The following ATP10B variants were observed in gnomAD, a reference collection of about 807,000 sequenced individuals.
ATP10B encodes ATPase phospholipid transporting 10B (putative), also known as phospholipid-transporting ATPase VB.
Under a neutral mutation model 141.2 loss-of-function variants are expected in ATP10B, and 122 were observed. The ratio of observed to expected loss-of-function variants is 0.86; its 90% CI spans 0.75 to 1.00. ATP10B has a LOEUF of 1.00. Ranked by LOEUF, ATP10B falls within the 50% of genes least tolerant of loss-of-function variation. The probability of loss-of-function intolerance (pLI) is 0.00; values close to 1 mark genes in which losing one functional copy is unlikely to be tolerated. For missense variants in ATP10B, 1,876 were observed against 1,825.3 expected, an observed-to-expected ratio of 1.03 and a Z score of -0.51; for synonymous variants, 685 against 692.0, an observed-to-expected ratio of 0.99 and a Z score of 0.16.
At chr5:160,878,050 A>T in the ATP10B span, among the ~76,000 whole-genome samples, 1 of 151,928 alleles carries the variant, frequency 6.6e-6, no homozygotes, top group Non-Finnish European at 1.5e-5. Context: ...TTCATATGGA[A>T]CCAAAAAAGA....
intron 3 of ATP10B, among the ~76,000 whole-genome samples, chr5:160,704,274 C>A (rs551266161): frequency 1.3e-5 from 2 of 152,080 alleles, no homozygotes; most frequent in East Asian, 3.9e-4. Flanking sequence ...CTAGACTGAT[C>A]TTGAACTCCT....
chr5:160,896,013 T>TA, the ATP10B span, among the ~76,000 whole-genome samples: 25 of 152,120 alleles, frequency 1.6e-4, no homozygotes, highest in African/African-American at 6.0e-4. Flanking sequence ...ACAAAGACAC[T>TA]ACATACTGGA....
At chr5:160,813,193 C>T (rs1446168280) in intron 1 of ATP10B, among the ~76,000 whole-genome samples, 1 of 152,364 alleles carries the variant, frequency 6.6e-6, no homozygotes, top group East Asian at 1.9e-4. Flanking sequence ...GGCATCGCCT[C>T]ACCCGGGAAG....
chr5:160,695,216 CTCTT>C (rs1204460351), intron 3 of ATP10B, among the ~76,000 whole-genome samples: 7 of 152,202 alleles, frequency 4.6e-5, no homozygotes, highest in African/African-American at 1.7e-4. Context: ...TTATGTCTCT[CTCTT>C]GATTTCTCTG....
intron 22 of ATP10B, among the ~76,000 whole-genome samples, chr5:160,594,296 T>A (rs1203172399): frequency 1.3e-5 from 2 of 152,154 alleles, no homozygotes; most frequent in African/African-American, 2.4e-5. Flanking sequence ...CTAAGCTTCA[T>A]AAGTGAAGGA....
the ATP10B span, among the ~76,000 whole-genome samples, chr5:160,901,279 G>C: frequency 6.6e-6 from 1 of 151,994 alleles, no homozygotes; most frequent in Non-Finnish European, 1.5e-5. Context: ...TTTAAAATCT[G>C]TCATTGTTTG....
the ATP10B span, among the ~76,000 whole-genome samples, chr5:160,894,130 C>T: frequency 3.0e-4 from 46 of 152,136 alleles, no homozygotes; most frequent in African/African-American, 8.2e-4. Context: ...AACCAGAACG[C>T]GCCTCTTCTC....
upstream of ATP10B, among the ~76,000 whole-genome samples, chr5:160,855,134 A>T (rs1422671386): frequency 6.6e-6 from 1 of 152,124 alleles, no homozygotes; most frequent in African/African-American, 2.4e-5. Flanking sequence ...TGGTATGTTT[A>T]GTATTTTAAT....
At position 160,610,254 on chromosome 5, in the gene ATP10B, G is replaced by T. The variant is rs534564343; in HGVS notation, c.2838+2487C>A. 5.9e-5 allele frequency among the ~76,000 whole-genome samples: 9 copies of T among 152,286 alleles called. No individual in the cohort carries two copies. The South Asian group carries it at 1.7e-3, about 28-fold the overall frequency. On this transcript the variant is annotated intron_variant, in intron 18 of 25. Transcript: ENST00000327245. Reference sequence around the variant, plus strand: ...TTTCTCACTTTCTCTTGGATGATTAGCCCTGAGGAAAACCAGCTGCCATGT... The same window carrying T: ...TTTCTCACTTTCTCTTGGATGATTATCCCTGAGGAAAACCAGCTGCCATGT...
At chr5:160,881,228 A>T in the ATP10B span, among the ~76,000 whole-genome samples, 1 of 152,298 alleles carries the variant, frequency 6.6e-6, no homozygotes, top group African/African-American at 2.4e-5. Flanking sequence ...ATGCAAACTA[A>T]AACAACAACA....
chr5:160,571,828 A>G (rs1000607052), intron 24 of ATP10B, among the ~76,000 whole-genome samples: 1 of 152,162 alleles, frequency 6.6e-6, no homozygotes, highest in Admixed American at 6.5e-5. Context: ...TGTGGTCACA[A>G]TTTCCCCAGG....
At chr5:160,709,091 T>G (rs751458822) in intron 3 of ATP10B, among the ~76,000 whole-genome samples, 7 of 152,160 alleles carry the variant, frequency 4.6e-5, no homozygotes, top group Non-Finnish European at 1.0e-4. Flanking sequence ...AACAAAAACT[T>G]GTTTCTACTT....
the ATP10B span, among the ~76,000 whole-genome samples, chr5:160,880,455 G>A: frequency 1.3e-5 from 2 of 152,016 alleles, no homozygotes; most frequent in African/African-American, 4.8e-5. Context: ...AGTTTACGTG[G>A]AGAGGAAACA....
chr5:160,911,444 C>T, the ATP10B span, among the ~76,000 whole-genome samples: 2 of 152,206 alleles, frequency 1.3e-5, no homozygotes, highest in Non-Finnish European at 2.9e-5. Flanking sequence ...AAGACAGAGG[C>T]TTCCGTTCAC....
At chr5:160,910,538 T>C in the ATP10B span, among the ~76,000 whole-genome samples, 1,844 of 152,330 alleles carry the variant, frequency 0.012, 27 homozygotes, top group Admixed American at 0.028. Context: ...AGTACTTGTA[T>C]GAGTCTGCAA....
At chr5:160,815,263 A>G (rs546854979) in intron 1 of ATP10B, among the ~76,000 whole-genome samples, 1 of 152,332 alleles carries the variant, frequency 6.6e-6, no homozygotes, top group East Asian at 1.9e-4. Flanking sequence ...AGAGACACAC[A>G]TAGGCTCAAA....
At chr5:160,919,330 C>T in the ATP10B span, among the ~76,000 whole-genome samples, 1 of 149,412 alleles carries the variant, frequency 6.7e-6, no homozygotes, top group Non-Finnish European at 1.5e-5. Flanking sequence ...ACTGGGGCAT[C>T]TGCTTTGTAC....
rs114761889 is a variant in ATP10B at position 160,830,335 on chromosome 5, C to T, written c.-576+21606G>A. Among the ~76,000 whole-genome samples, 918 of 152,072 alleles carry T rather than the reference C, an allele frequency of 6.0e-3. 13 individuals carry two copies. The highest frequency in any genetic ancestry group is 0.021 in the African/African-American group (874 of 41,526). ...TGCACTCGAGCAATTCACTTCTTAA[C>T]TTTTTTAATTGCTGTGTGTTTGTAT... On this transcript the variant is annotated intron_variant, in intron 1 of 25. Transcript: ENST00000327245.
chr5:160,693,846 G>C (rs1416336418), intron 3 of ATP10B, among the ~76,000 whole-genome samples: 1 of 152,234 alleles, frequency 6.6e-6, no homozygotes, highest in Non-Finnish European at 1.5e-5. Context: ...AGCAGGCAAT[G>C]CTCGCCTGCC....
Sources: allele counts gnomAD v4.1 joint callset (sites outside exome capture counted in the v4.1 genomes callset), GRCh38; gene constraint gnomAD v4.1.1; transcripts MANE v1.5; gene names NCBI Gene and HGNC (gene_info 2026-07-23, HGNC 2026-07-21).